Variants in MEIS2 observed in about 807,000 individuals in gnomAD.
MEIS2 encodes Meis homeobox 2.
In MEIS2, 9 loss-of-function variants were observed where a neutral mutation model predicts 58.6. The ratio of observed to expected loss-of-function variants is 0.15; its 90% confidence interval spans 0.09 to 0.27. The LOEUF is 0.27. Among genes scored for constraint, MEIS2 ranks in the 10% least tolerant of loss-of-function variants. The pLI, the probability that MEIS2 is intolerant of heterozygous loss-of-function variation, is 1.00. For synonymous variants in MEIS2, 221 were observed against 228.4 expected (o/e 0.97, Z 0.29); for missense variants, 427 against 635.0 (o/e 0.67, Z 3.52).
chr15:37,075,005 G>T (rs1429891187), intron 7 of MEIS2, among the ~76,000 whole-genome samples: 1 of 151,930 alleles, frequency 6.6e-6, no homozygotes, highest in Admixed American at 6.6e-5. Flanking sequence ...ACAACAGGAG[G>T]TGGGGCCTAA....
intron 8 of MEIS2, among the ~76,000 whole-genome samples, chr15:36,975,636 G>A (rs1214629726): frequency 2.0e-5 from 3 of 151,978 alleles, no homozygotes; most frequent in Admixed American, 6.6e-5. Context: ...GGAATCTAAC[G>A]AGGTTTTGGT....
intron 6 of MEIS2, among the ~76,000 whole-genome samples, chr15:37,091,301 C>T (rs573206557): frequency 1.4e-4 from 21 of 152,262 alleles, no homozygotes; most frequent in African/African-American, 4.6e-4. Context: ...GGTTTTCTCT[C>T]ATGTCCCTGC....
At chr15:36,973,002 C>T (rs1208638511) in intron 8 of MEIS2, 1 of 152,134 alleles carries the variant, frequency 6.6e-6, no homozygotes, top group Non-Finnish European at 1.5e-5. Context: ...TTTGCATAGA[C>T]ATCTTTTACT....
intron 8 of MEIS2, among the ~76,000 whole-genome samples, chr15:37,005,528 G>C (rs1198875875): frequency 6.6e-6 from 1 of 151,982 alleles, no homozygotes; most frequent in African/African-American, 2.4e-5. Context: ...TTACTAACTA[G>C]TTTACTGCAT....
At chr15:36,964,518 TA>T (rs2059293524) in intron 8 of MEIS2, among the ~76,000 whole-genome samples, 1 of 152,196 alleles carries the variant, frequency 6.6e-6, no homozygotes, top group Non-Finnish European at 1.5e-5. Flanking sequence ...GTTACAGATT[TA>T]AAAGCATATT....
chr15:37,069,940 ATT>A (rs1410568429), intron 7 of MEIS2, among the ~76,000 whole-genome samples: 1 of 152,106 alleles, frequency 6.6e-6, no homozygotes, highest in Non-Finnish European at 1.5e-5. Flanking sequence ...ATGAGGAAAG[ATT>A]GTTGTTTTCT....
At chr15:37,098,317 AGAT>A in intron 1 of MEIS2, 118 bp from the exon 2 acceptor site, 1 of 1,302,188 alleles carries the variant, frequency 7.7e-7, no homozygotes, top group Non-Finnish European at 9.9e-7. Flanking sequence ...GAAGGGATAA[AGAT>A]GAGAGAGAGG....
At chr15:37,020,558 G>A (rs889385462) in intron 8 of MEIS2, among the ~76,000 whole-genome samples, 3 of 152,000 alleles carry the variant, frequency 2.0e-5, no homozygotes, top group African/African-American at 7.3e-5. Context: ...AACATTTGAG[G>A]GATCTTTATC....
chr15:36,947,840 C>G (rs910338746), intron 9 of MEIS2, among the ~76,000 whole-genome samples: 1 of 151,980 alleles, frequency 6.6e-6, no homozygotes, highest in African/African-American at 2.4e-5. Context: ...TAGTTAAGAA[C>G]AGTGACTGTG....
In MEIS2 at chr15:36,945,141, A is replaced by T. The variant is rs79760842; in HGVS notation, c.977+5183T>A. Among the ~76,000 whole-genome samples the T allele has an allele frequency of 5.7e-3, 865 of 152,054 alleles. 8 individuals carry two copies. The highest frequency in any genetic ancestry group is 0.02 in the African/African-American group (816 of 41,498). Reference sequence around the variant, plus strand: ...CTAGCACTTACCCTGCCTCCTACTAATTAGGCTTCAAATTGGGCTTGGAGA... The same window carrying T: ...CTAGCACTTACCCTGCCTCCTACTATTTAGGCTTCAAATTGGGCTTGGAGA... On this transcript the variant is annotated intron_variant, in intron 9 of 11. Transcript: ENST00000561208.
chr15:37,019,977 T>G (rs1395373007), intron 8 of MEIS2, among the ~76,000 whole-genome samples: 1 of 152,070 alleles, frequency 6.6e-6, no homozygotes, highest in Non-Finnish European at 1.5e-5. Context: ...ATGCCCCAGA[T>G]CCGGGGAGCT....
intron 8 of MEIS2, among the ~76,000 whole-genome samples, chr15:37,015,785 G>T (rs1471771228): frequency 6.6e-6 from 1 of 152,144 alleles, no homozygotes; most frequent in Non-Finnish European, 1.5e-5. Context: ...CAAACAAAAG[G>T]AGGGAATTTT....
intron 8 of MEIS2, among the ~76,000 whole-genome samples, chr15:37,000,933 G>T (rs1483414813): frequency 6.6e-6 from 1 of 151,996 alleles, no homozygotes. Flanking sequence ...TTCCCTTCTT[G>T]CAATCTGGCT....
intron 8 of MEIS2, among the ~76,000 whole-genome samples, chr15:36,995,983 A>ATGTG (rs1567159876): frequency 1.2e-5 from 1 of 81,872 alleles, no homozygotes; most frequent in African/African-American, 6.3e-5. Context: ...ATATATATAT[A>ATGTG]TATATATATA....
At chr15:37,045,089 A>G (rs548101609) in intron 7 of MEIS2, among the ~76,000 whole-genome samples, 4 of 152,272 alleles carry the variant, frequency 2.6e-5, no homozygotes, top group East Asian at 1.9e-4. Context: ...GTGTGCATAT[A>G]TGCAGAGATG....
At chr15:36,999,012 G>C (rs759122049) in intron 8 of MEIS2, among the ~76,000 whole-genome samples, 1 of 152,096 alleles carries the variant, frequency 6.6e-6, no homozygotes, top group Non-Finnish European at 1.5e-5. Flanking sequence ...TAACACGTTG[G>C]CTCTTTCTTC....
At chr15:36,992,138 T>C (rs986263853) in intron 8 of MEIS2, among the ~76,000 whole-genome samples, 2 of 152,132 alleles carry the variant, frequency 1.3e-5, no homozygotes, top group African/African-American at 2.4e-5. Context: ...GAATTGCTAG[T>C]CGGCTTCATT....
chr15:37,055,580 C>G (rs191911324), intron 7 of MEIS2, among the ~76,000 whole-genome samples: 14 of 152,312 alleles, frequency 9.2e-5, no homozygotes, highest in Admixed American at 3.3e-4. Flanking sequence ...ATTGATTCAT[C>G]TCACTGACAA....
At chr15:37,058,678 T>G (rs1488678169) in intron 7 of MEIS2, among the ~76,000 whole-genome samples, 1 of 152,230 alleles carries the variant, frequency 6.6e-6, no homozygotes, top group Non-Finnish European at 1.5e-5. Context: ...CTCTTTCTAT[T>G]ACCACTTGTC....
Sources: gnomAD v4.1 joint callset for allele counts (sites outside exome capture counted in the v4.1 genomes callset) on GRCh38, gnomAD v4.1.1 for gene constraint, MANE v1.5 for transcripts, NCBI Gene and HGNC (gene_info 2026-07-23, HGNC 2026-07-21) for gene names.